Variants in CAMTA1 observed in about 807,000 individuals in gnomAD.
CAMTA1 encodes calmodulin-binding transcription activator 1.
CAMTA1 carries 27 observed loss-of-function variants against 170.9 expected under a neutral mutation model. The observed-to-expected ratio is 0.16, with a 90% CI of 0.12 to 0.22. CAMTA1 has a LOEUF of 0.22. Among genes scored for constraint, CAMTA1 ranks in the 10% least tolerant of loss-of-function variants. The pLI is 1.00. For missense variants in CAMTA1, 1,619 were observed against 2,217.2 expected, an observed-to-expected ratio of 0.73 and a Z score of 5.42; for synonymous variants, 833 against 891.5, an observed-to-expected ratio of 0.93 and a Z score of 1.17.
At chr1:7,130,493 G>A (rs1342855346) in intron 4 of CAMTA1, among the ~76,000 whole-genome samples, 2 of 152,158 alleles carry the variant, frequency 1.3e-5, no homozygotes, top group African/African-American at 4.8e-5. Context: ...TGGTTGGGTT[G>A]TATGGGAAGT....
At chr1:6,836,486 C>T (rs180683839) in intron 3 of CAMTA1, among the ~76,000 whole-genome samples, 68 of 152,160 alleles carry the variant, frequency 4.5e-4, no homozygotes, top group African/African-American at 1.6e-3. Flanking sequence ...TGTAAAATGG[C>T]GAGAACCTGG....
chr1:6,839,885 T>C (rs1654953926), intron 3 of CAMTA1, among the ~76,000 whole-genome samples: 1 of 152,162 alleles, frequency 6.6e-6, no homozygotes, highest in African/African-American at 2.4e-5. Context: ...CTAGATCTTG[T>C]TGTGCCAAGT....
At chr1:7,640,219 C>G (rs374185670) in intron 6 of CAMTA1, among the ~76,000 whole-genome samples, 181 bp from the exon 7 acceptor site, 1 of 152,122 alleles carries the variant, frequency 6.6e-6, no homozygotes, top group East Asian at 1.9e-4. Flanking sequence ...TGCTAATATC[C>G]CACATGCGCC....
At chr1:6,817,683 G>C (rs1645994546) in intron 1 of CAMTA1, among the ~76,000 whole-genome samples, 1 of 152,150 alleles carries the variant, frequency 6.6e-6, no homozygotes, top group Non-Finnish European at 1.5e-5. Flanking sequence ...ACCCAAGCTA[G>C]AGTGCAATAG....
At chr1:6,894,763 A>G (rs367629320) in intron 3 of CAMTA1, among the ~76,000 whole-genome samples, 10 of 152,264 alleles carry the variant, frequency 6.6e-5, no homozygotes, top group East Asian at 3.8e-4. Flanking sequence ...ATTTCAGGAT[A>G]TAAGAATGCT....
rs750732727 is a variant in CAMTA1 at position 7,499,743 on chromosome 1, TAG to T, written c.510+31847_510+31848del. Among the ~76,000 whole-genome samples, 23 of 129,788 alleles carry T rather than the reference TAG, an allele frequency of 1.8e-4. 2 individuals carry two copies. Among genetic ancestry groups the T allele is most frequent in the African/African-American group, 3.4e-4 (11 of 32,580 alleles). The allele number at this position is 129,788 out of a possible 152,430, so 85.1% of individuals were successfully genotyped here. A position where few individuals can be genotyped will look rare whatever the true frequency, so the allele number is the denominator to read the frequency against. ...GCATGTGTGTCCATGAGTGAGTGTG[TAG>T]AGAGGATTGTGTGAGCCTGTTGTGA... On this transcript the variant is annotated intron_variant, in intron 6 of 22. Transcript: ENST00000303635.
intron 11 of CAMTA1, among the ~76,000 whole-genome samples, chr1:7,722,816 C>T (rs1275396062): frequency 6.6e-6 from 1 of 152,010 alleles, no homozygotes; most frequent in Non-Finnish European, 1.5e-5. Context: ...GGCATGGTGG[C>T]TCATGCCTGT....
chr1:7,441,703 G>C (rs1439246581), intron 5 of CAMTA1: 1 of 152,188 alleles, frequency 6.6e-6, no homozygotes, highest in African/African-American at 2.4e-5. Flanking sequence ...TCGAGCCAAG[G>C]CCCAGAGGTG....
At chr1:7,553,875 G>A (rs980561175) in intron 6 of CAMTA1, among the ~76,000 whole-genome samples, 3 of 152,214 alleles carry the variant, frequency 2.0e-5, no homozygotes, top group African/African-American at 7.2e-5. Context: ...GAAATCAGAA[G>A]TGATTGTCAC....
At chr1:7,030,920 C>T (rs539428544) in intron 3 of CAMTA1, among the ~76,000 whole-genome samples, 3 of 151,548 alleles carry the variant, frequency 2.0e-5, no homozygotes, top group East Asian at 1.9e-4. Context: ...CTGCAAGCTC[C>T]GCCTCCCGGG....
intron 4 of CAMTA1, among the ~76,000 whole-genome samples, chr1:7,125,828 C>G (rs1486611635): frequency 1.3e-5 from 2 of 152,182 alleles, no homozygotes; most frequent in South Asian, 2.1e-4. Context: ...GACAGAGGTT[C>G]CAGGGGTCCC....
At chr1:7,468,097 G>A (rs1223918477) in intron 6 of CAMTA1, among the ~76,000 whole-genome samples, 196 bp downstream of exon 6, 1 of 152,242 alleles carries the variant, frequency 6.6e-6, no homozygotes, top group Non-Finnish European at 1.5e-5. Flanking sequence ...GTGTCAGGAA[G>A]GGGAGAAGGC....
intron 3 of CAMTA1, among the ~76,000 whole-genome samples, chr1:7,033,492 C>G (rs1203906267): frequency 2.6e-5 from 4 of 151,666 alleles, no homozygotes; most frequent in African/African-American, 9.7e-5. Flanking sequence ...TCATATTTTC[C>G]TGCTTCTTTG....
rs141704894 is a variant in CAMTA1, at chr1:7,373,704, G to T, written c.439-94126G>T. Reference sequence around the variant, plus strand: ...ATTAGTCTTTTTGCTTCTGAAAAAGGTTCTGCATCTTTGATAGAGCCTGGT... The same window carrying T: ...ATTAGTCTTTTTGCTTCTGAAAAAGTTTCTGCATCTTTGATAGAGCCTGGT... On this transcript the variant is annotated intron_variant, in intron 5 of 22. Coordinates refer to ENST00000303635, the MANE Select transcript of CAMTA1 (RefSeq NM_015215.4). Among the ~76,000 whole-genome samples, 389 of 152,300 alleles carry T rather than the reference G, an allele frequency of 2.6e-3. 1 individual carries two copies. Among genetic ancestry groups the T allele is most frequent in the African/African-American group, 8.8e-3 (365 of 41,568 alleles).
intron 3 of CAMTA1, among the ~76,000 whole-genome samples, chr1:6,846,682 C>T (rs930042319): frequency 4.6e-5 from 7 of 152,114 alleles, no homozygotes; most frequent in Admixed American, 4.6e-4. Flanking sequence ...ATTAGTATTA[C>T]TAAACCATAT....
chr1:7,310,898 T>C (rs530971190), intron 5 of CAMTA1, among the ~76,000 whole-genome samples: 10 of 151,888 alleles, frequency 6.6e-5, no homozygotes, highest in African/African-American at 2.4e-4. Flanking sequence ...GCCCGACTAA[T>C]TTTTGTATTT....
chr1:6,893,255 C>T (rs1030879253), intron 3 of CAMTA1, among the ~76,000 whole-genome samples: 2 of 151,968 alleles, frequency 1.3e-5, no homozygotes, highest in Non-Finnish European at 2.9e-5. Context: ...AGCAAGACTC[C>T]ATCTCGAGGA....
At chr1:7,035,816 C>T (rs1477302362) in intron 3 of CAMTA1, among the ~76,000 whole-genome samples, 10 of 152,020 alleles carry the variant, frequency 6.6e-5, no homozygotes, top group Admixed American at 5.2e-4. Context: ...AATAGAAATT[C>T]GGAAACAATT....
chr1:7,016,004 T>C (rs1250610265), intron 3 of CAMTA1, among the ~76,000 whole-genome samples: 1 of 152,198 alleles, frequency 6.6e-6, no homozygotes, highest in Non-Finnish European at 1.5e-5. Context: ...CCCCTATGAT[T>C]CAGTCACCTC....
Sources: allele counts gnomAD v4.1 joint callset (sites outside exome capture counted in the v4.1 genomes callset), GRCh38; gene constraint gnomAD v4.1.1; transcripts MANE v1.5; gene names NCBI Gene and HGNC (gene_info 2026-07-23, HGNC 2026-07-21).